The following TMEM243 variants were observed in gnomAD, a reference collection of about 807,000 sequenced individuals.
TMEM243 encodes MDR1 and mitochondrial taxol resistance associated.
Under a neutral mutation model 15.0 loss-of-function variants are expected in TMEM243, and 20 were observed. The observed-to-expected ratio is 1.33, with a 90% CI of 0.94 to 1.93. The LOEUF (loss-of-function observed/expected upper bound fraction) is 1.93, where lower values mean the gene tolerates loss of function less well. TMEM243 is among the 30% of genes most tolerant of loss of function. The probability of loss-of-function intolerance (pLI) is 0.00; values close to 1 mark genes in which losing one functional copy is unlikely to be tolerated. For missense variants in TMEM243, 156 were observed against 142.1 expected, an observed-to-expected ratio of 1.10 and a Z score of -0.50; for synonymous variants, 72 against 52.7, an observed-to-expected ratio of 1.37 and a Z score of -1.59.
In TMEM243 at chr7:87,207,595, CA is replaced by C. The variant is rs575149921; in HGVS notation, c.79-8539del. 5.4e-3 allele frequency among the ~76,000 whole-genome samples: 26 copies of C among 4,786 alleles called. 1 individual carries two copies. The highest frequency in any genetic ancestry group is 0.5 in the Middle Eastern group (1 of 2). The allele number at this position is 4,786 out of a possible 152,430, so 3.1% of individuals were successfully genotyped here. ...TGGGCCACAGAGCGAGACTCCGTCT[CA>C]AAAAAAAAAAAAGAAAAGCAAAAGC... On this transcript the variant is annotated intron_variant, in intron 1 of 3. Coordinates refer to ENST00000257637, the MANE Select transcript of TMEM243 (RefSeq NM_024315.4).
intron 1 of TMEM243, among the ~76,000 whole-genome samples, chr7:87,206,656 A>G (rs1802240260): frequency 6.6e-6 from 1 of 152,232 alleles, no homozygotes; most frequent in African/African-American, 2.4e-5. Flanking sequence ...ATTACATAGA[A>G]CAGTGCACAG....
At chr7:87,205,526 T>G (rs2129227484) in intron 1 of TMEM243, among the ~76,000 whole-genome samples, 1 of 152,298 alleles carries the variant, frequency 6.6e-6, no homozygotes, top group East Asian at 1.9e-4. Context: ...AAATTTCTTC[T>G]GCCAGATACC....
chr7:87,200,502 T>A (rs1801716653), intron 1 of TMEM243, among the ~76,000 whole-genome samples: 1 of 152,100 alleles, frequency 6.6e-6, no homozygotes, highest in African/African-American at 2.4e-5. Flanking sequence ...GCGCCAGGGA[T>A]TTCCAAAATG....
intron 2 of TMEM243, chr7:87,198,728 GAAGGAAGTGGCTACTAGCCACTGAC>G: frequency 2.1e-6 from 1 of 469,056 alleles, no homozygotes; most frequent in East Asian, 4.0e-5. Context: ...GTAGATGACA[GAAGGAAGTGGCTACTAGCCACTGAC>G]ATTTTTACAA....
chr7:87,197,687 AAT>A (rs1801417022), intron 3 of TMEM243: 1 of 1,170,056 alleles, frequency 8.5e-7, no homozygotes. Context: ...TCTTTCCACT[AAT>A]TTTTTTTTTT....
At chr7:87,201,441 G>GA (rs2129223588) in intron 1 of TMEM243, among the ~76,000 whole-genome samples, 1 of 152,320 alleles carries the variant, frequency 6.6e-6, no homozygotes, top group Admixed American at 6.5e-5. Context: ...GAGAGGCTGT[G>GA]CTCTAAAGTT....
chr7:87,215,682 A>G (rs1163010852), intron 1 of TMEM243, among the ~76,000 whole-genome samples: 2 of 152,190 alleles, frequency 1.3e-5, no homozygotes, highest in African/African-American at 4.8e-5. Flanking sequence ...GAGAAGTACT[A>G]TAGCACAAAA....
intron 1 of TMEM243, among the ~76,000 whole-genome samples, chr7:87,210,804 C>T (rs548866719): frequency 6.6e-6 from 1 of 152,338 alleles, no homozygotes; most frequent in Admixed American, 6.5e-5. Context: ...TAACGGCTCC[C>T]CCTTGCAGCA....
rs542676441 is a variant in TMEM243 at position 87,216,627 on chromosome 7, T to C, written c.78+2799A>G. On this transcript the variant is annotated intron_variant, in intron 1 of 3. Coordinates refer to ENST00000257637, the MANE Select transcript of TMEM243 (RefSeq NM_024315.4). ...AATCACTATGTGCACTCAGCACCCA[T>C]AAAGGCAAAAAAAGTTCCTTCAGGG... The C allele has an allele frequency of 6.6e-5, 10 of 152,276 alleles. 1 individual carries two copies. The South Asian group carries it at 1.9e-3, about 28-fold the overall frequency. 9.4% of individuals were successfully genotyped at this position (152,276 alleles called of 1,614,324 possible). A position where few individuals can be genotyped will look rare whatever the true frequency, so the allele number is the denominator to read the frequency against.
intron 1 of TMEM243, among the ~76,000 whole-genome samples, chr7:87,209,529 TGA>T (rs564953471): frequency 4.4e-5 from 2 of 45,482 alleles, no homozygotes; most frequent in Non-Finnish European, 8.9e-5. Flanking sequence ...AGAGAGAGAG[TGA>T]GAGAGAAAGT....
Position 87,196,483 on chromosome 7 carries a change from T to C in TMEM243, c.*153A>G. On this transcript the variant is annotated 3_prime_UTR_variant, in exon 4 of 4. Transcript: ENST00000257637. ...AAAGCAAAGTGATCTAGGATATGTC[T>C]CCCTTGCAAGAGGGAATTAACATTT... The C allele has an allele frequency of 1.4e-6, 1 of 736,520 alleles. No homozygotes were observed. Among genetic ancestry groups the C allele is most frequent in the Non-Finnish European group, 2.1e-6 (1 of 465,864 alleles). 45.6% of individuals were successfully genotyped at this position (736,520 alleles called of 1,614,324 possible). A position where few individuals can be genotyped will look rare whatever the true frequency, so the allele number is the denominator to read the frequency against.
chr7:87,218,969 C>CCT (rs1803298010), intron 1 of TMEM243, among the ~76,000 whole-genome samples: 1 of 152,136 alleles, frequency 6.6e-6, no homozygotes, highest in Non-Finnish European at 1.5e-5. Flanking sequence ...AAGCCTCTCC[C>CCT]CTTTCCTTGC....
At chr7:87,218,409 C>A (rs117369930) in intron 1 of TMEM243, among the ~76,000 whole-genome samples, 1,536 of 152,308 alleles carry the variant, frequency 0.01, 14 homozygotes, top group Non-Finnish European at 0.014. Flanking sequence ...AGTCCTGTGG[C>A]AGCCTCTTAG....
Position 87,198,047 on chromosome 7 carries a change from T to C in TMEM243, c.130-2A>G. On this transcript the variant is annotated splice_acceptor_variant, in intron 2 of 3. Transcript: ENST00000257637. LOFTEE classifies it high-confidence loss of function. ...AACAAAAGCACTTATCAGCGTTACC[T>C]GTATGAAGAGAAATTATGTAAGGCC... 6.2e-7 allele frequency: 1 copy of C among 1,610,772 alleles called. No homozygotes were observed. The highest frequency in any genetic ancestry group is 8.5e-7 in the Non-Finnish European group (1 of 1,178,096).
At chr7:87,202,766 C>A (rs1801908566) in intron 1 of TMEM243, among the ~76,000 whole-genome samples, 1 of 152,340 alleles carries the variant, frequency 6.6e-6, no homozygotes, top group Admixed American at 6.5e-5. Flanking sequence ...GTTCTCATCT[C>A]ATTCTGCCAC....
chr7:87,216,504 T>C (rs1174506945), intron 1 of TMEM243, among the ~76,000 whole-genome samples: 2 of 152,170 alleles, frequency 1.3e-5, no homozygotes, highest in Non-Finnish European at 2.9e-5. Context: ...TCACTTTGCC[T>C]TTCTCTCCAT....
intron 1 of TMEM243, among the ~76,000 whole-genome samples, chr7:87,205,348 T>TC (rs1802132648): frequency 6.6e-6 from 1 of 152,176 alleles, no homozygotes; most frequent in Non-Finnish European, 1.5e-5. Flanking sequence ...AGGATTTTTT[T>TC]TTTTTTTCTA....
chr7:87,196,821 C>T, intron 3 of TMEM243, 63 bp from the exon 4 acceptor site: 4 of 1,186,828 alleles, frequency 3.4e-6, no homozygotes, highest in Non-Finnish European at 4.7e-6. Flanking sequence ...CTACCAATTT[C>T]AAATTTCATT....
At chr7:87,197,874 A>G in intron 3 of TMEM243, 67 bp downstream of exon 3, 4 of 1,609,100 alleles carry the variant, frequency 2.5e-6, no homozygotes, top group Non-Finnish European at 3.4e-6. Flanking sequence ...CAAGGCTGAA[A>G]ATTTTTGTCC....
Sources: allele counts gnomAD v4.1 joint callset (sites outside exome capture counted in the v4.1 genomes callset), GRCh38; gene constraint gnomAD v4.1.1; transcripts MANE v1.5; gene names NCBI Gene and HGNC (gene_info 2026-07-23, HGNC 2026-07-21).